Variants in EFCAB10 observed in about 807,000 individuals in gnomAD.
EFCAB10 encodes EF-hand calcium-binding domain-containing protein 10.
In EFCAB10, 7 loss-of-function variants were observed where a neutral mutation model predicts 7.7. That is an observed-to-expected ratio of 0.91 (90% confidence interval 0.52 to 1.72). EFCAB10 has a LOEUF of 1.72. Among genes scored for constraint, EFCAB10 ranks in the 40% most tolerant of loss-of-function variants. The pLI is 0.00. For synonymous variants in EFCAB10, 52 were observed against 21.0 expected (o/e 2.47, Z -4.03); for missense variants, 112 against 61.5 (o/e 1.82, Z -2.74).
At chr7:105,571,601 A>G (rs1271883261) in intron 1 of EFCAB10, 1 of 152,212 alleles carries the variant, frequency 6.6e-6, no homozygotes, top group African/African-American at 2.4e-5. Context: ...TGGAGTCCCA[A>G]AGAATGATAG....
At position 105,569,449 on chromosome 7, in the gene EFCAB10, A is replaced by G; in HGVS notation, c.229T>C (p.Ser77Pro). 1 of 703,142 alleles carries G rather than the reference A, an allele frequency of 1.4e-6. No homozygotes were observed. Among genetic ancestry groups the G allele is most frequent in the Non-Finnish European group, 2.6e-6 (1 of 385,044 alleles). The allele number at this position is 703,142 out of a possible 1,614,324, so 43.6% of individuals were successfully genotyped here. The part of the protein sequence containing the change: ...NIVAMFEMMD[S>P]SGRGTISFVQ... ...AATGATATGGTGCCTCTGCCTGAGG[A>G]GTCCATCATCTCAAACATAGCCACA... is the stretch of plus-strand genomic sequence containing the variant. The change falls in exon 2 of 5, where the codon TCC becomes CCC. Residue 77 changes from serine to proline, a missense_variant. Ser to Pro is a moderately conservative substitution (Grantham distance 74). Coordinates refer to ENST00000480514, the MANE Select transcript of EFCAB10 (RefSeq NM_001355526.2).
At chr7:105,573,943 C>T (rs1421817872) in intron 1 of EFCAB10, among the ~76,000 whole-genome samples, 3 of 151,576 alleles carry the variant, frequency 2.0e-5, no homozygotes, top group Non-Finnish European at 2.9e-5. Flanking sequence ...ATTCATTTTA[C>T]TCTACCACTC....
chr7:105,574,100 C>T (rs1792009167), intron 1 of EFCAB10, among the ~76,000 whole-genome samples: 1 of 141,854 alleles, frequency 7.0e-6, no homozygotes, highest in African/African-American at 2.6e-5. Context: ...TATATATACA[C>T]ACATACACAC....
chr7:105,574,683 C>T (rs1023738019), intron 1 of EFCAB10, among the ~76,000 whole-genome samples: 12 of 151,762 alleles, frequency 7.9e-5, no homozygotes, highest in African/African-American at 2.9e-4. Flanking sequence ...AGGGGTTTCA[C>T]CGTGTTAGCC....
At chr7:105,579,170 A>G (rs1792161750) in intron 1 of EFCAB10, among the ~76,000 whole-genome samples, 2 of 152,238 alleles carry the variant, frequency 1.3e-5, no homozygotes, top group South Asian at 4.1e-4. Context: ...GAAGCCACTA[A>G]AGGATATGCT....
At chr7:105,566,369 A>T (rs1469835268) in intron 4 of EFCAB10, 1 of 152,174 alleles carries the variant, frequency 6.6e-6, no homozygotes, top group Admixed American at 6.6e-5. Flanking sequence ...TTGATCTAAA[A>T]TTTATAGGCC....
At chr7:105,573,647 C>A (rs1792001142) in intron 1 of EFCAB10, 1 of 152,132 alleles carries the variant, frequency 6.6e-6, no homozygotes, top group South Asian at 2.1e-4. Context: ...ATATTAAAAA[C>A]AATTTTTCAA....
At chr7:105,579,482 T>C (rs1792170276) in intron 1 of EFCAB10, among the ~76,000 whole-genome samples, 1 of 152,144 alleles carries the variant, frequency 6.6e-6, no homozygotes, top group Non-Finnish European at 1.5e-5. Context: ...AAGCCAAAAA[T>C]GTAAATATAT....
chr7:105,577,577 G>A (rs1480488669), intron 1 of EFCAB10, among the ~76,000 whole-genome samples: 1 of 152,204 alleles, frequency 6.6e-6, no homozygotes, highest in East Asian at 1.9e-4. Context: ...GCCTCTGTGT[G>A]TATTATAACT....
chr7:105,568,489 G>A (rs1791850721), intron 3 of EFCAB10, among the ~76,000 whole-genome samples: 1 of 152,126 alleles, frequency 6.6e-6, no homozygotes. Context: ...CATTTACTTT[G>A]TGATAATTTT....
At chr7:105,570,950 G>C (rs1042679853) in intron 1 of EFCAB10, 1 of 152,066 alleles carries the variant, frequency 6.6e-6, no homozygotes, top group African/African-American at 2.4e-5. Context: ...GCGTGAACCT[G>C]GGAGGTGGAC....
intron 3 of EFCAB10, 63 bp from the exon 4 acceptor site, chr7:105,567,553 CTGAG>C (rs2133500275): frequency 3.0e-6 from 2 of 658,648 alleles, no homozygotes; most frequent in East Asian, 2.7e-5. Flanking sequence ...AGTATAAATG[CTGAG>C]TATGTCTGTT....
At position 105,565,440 on chromosome 7, in the gene EFCAB10, G is replaced by T. The variant is rs768627748; in HGVS notation, c.*7C>A. The T allele has an allele frequency of 3.7e-6, 6 of 1,614,082 alleles. No individual in the cohort carries two copies. The highest frequency in any genetic ancestry group is 5.1e-6 in the Non-Finnish European group (6 of 1,179,946). Reference sequence around the variant, plus strand: ...GCAAATGCTTGTAGAGAAGCTGGATGTATACATCTACCAAGAAGTAAGTAA... The same window carrying T: ...GCAAATGCTTGTAGAGAAGCTGGATTTATACATCTACCAAGAAGTAAGTAA... On this transcript the variant is annotated 3_prime_UTR_variant, in exon 5 of 5. Transcript: ENST00000480514.
At chr7:105,574,459 G>A (rs555550214) in intron 1 of EFCAB10, among the ~76,000 whole-genome samples, 1 of 151,846 alleles carries the variant, frequency 6.6e-6, no homozygotes, top group African/African-American at 2.4e-5. Context: ...ATGGATGGCA[G>A]CAGGCAAAGA....
In EFCAB10 at chr7:105,565,177, A is replaced by C. The variant is rs1791646300; in HGVS notation, c.*270T>G. On this transcript the variant is annotated 3_prime_UTR_variant, in exon 5 of 5. Coordinates refer to ENST00000480514, the MANE Select transcript of EFCAB10 (RefSeq NM_001355526.2). Reference sequence around the variant, plus strand: ...AGGCTGTATATTTTTTCTTATCCAAAATGCCCTAGGACAGAACACTTCCTC... The same window carrying C: ...AGGCTGTATATTTTTTCTTATCCAACATGCCCTAGGACAGAACACTTCCTC... The C allele has an allele frequency of 1.0e-6, 1 of 974,952 alleles. No homozygotes were observed. The highest frequency in any genetic ancestry group is 2.2e-5 in the South Asian group (1 of 45,796). 60.4% of individuals were successfully genotyped at this position (974,952 alleles called of 1,614,324 possible). A position where few individuals can be genotyped will look rare whatever the true frequency, so the allele number is the denominator to read the frequency against.
chr7:105,568,765 A>G (rs1791857972), intron 3 of EFCAB10, among the ~76,000 whole-genome samples: 1 of 152,126 alleles, frequency 6.6e-6, no homozygotes, highest in Non-Finnish European at 1.5e-5. Context: ...CCTGGCCAAC[A>G]TGATGAAACC....
chr7:105,574,265 A>C, intron 1 of EFCAB10, among the ~76,000 whole-genome samples: 1 of 150,890 alleles, frequency 6.6e-6, no homozygotes, highest in South Asian at 2.1e-4. Context: ...ATATATATAC[A>C]TATACACAGT....
chr7:105,571,328 C>G (rs1791944156), intron 1 of EFCAB10: 2 of 152,188 alleles, frequency 1.3e-5, no homozygotes, highest in African/African-American at 4.8e-5. Flanking sequence ...AAAACCATTG[C>G]ACCAGATCAG....
At chr7:105,574,304 A>G (rs1014093920) in intron 1 of EFCAB10, among the ~76,000 whole-genome samples, 3 of 151,594 alleles carry the variant, frequency 2.0e-5, no homozygotes, top group Non-Finnish European at 4.4e-5. Context: ...GTACTCTATT[A>G]GTATGTTTTC....
Sources: allele counts gnomAD v4.1 joint callset (sites outside exome capture counted in the v4.1 genomes callset), GRCh38; gene constraint gnomAD v4.1.1; transcripts MANE v1.5; gene names NCBI Gene and HGNC (gene_info 2026-07-23, HGNC 2026-07-21).